Variants in RBFOX3 observed in about 807,000 individuals in gnomAD.
RBFOX3 encodes the protein RNA binding protein fox-1 homolog 3.
In RBFOX3, 17 loss-of-function variants were observed where a neutral mutation model predicts 48.7. The ratio of observed to expected loss-of-function variants is 0.35; its 90% confidence interval spans 0.24 to 0.52. RBFOX3 has a LOEUF of 0.52. RBFOX3 is among the 20% of genes least tolerant of loss of function. RBFOX3 has a pLI of 0.94. For synonymous variants in RBFOX3, 212 were observed against 209.5 expected, an observed-to-expected ratio of 1.01 and a Z score of -0.10; for missense variants, 382 against 497.5, an observed-to-expected ratio of 0.77 and a Z score of 2.21.
chr17:79,155,968 C>T (rs965670636), intron 4 of RBFOX3, among the ~76,000 whole-genome samples: 3 of 152,212 alleles, frequency 2.0e-5, no homozygotes, highest in African/African-American at 7.2e-5. Context: ...AGCAGCAGGG[C>T]CTCTCGGGGA....
the RBFOX3 span, among the ~76,000 whole-genome samples, chr17:79,633,921 G>T: frequency 6.6e-6 from 1 of 152,124 alleles, no homozygotes; most frequent in Non-Finnish European, 1.5e-5. Context: ...TGTTCAAACA[G>T]ATTATCATGC....
chr17:79,101,503 C>T, intron 9 of RBFOX3, 81 bp downstream of exon 9: 2 of 1,273,364 alleles, frequency 1.6e-6, no homozygotes, highest in African/African-American at 1.5e-5. Flanking sequence ...GGAAGGTCAG[C>T]CTGCAGCAGC....
intron 4 of RBFOX3, among the ~76,000 whole-genome samples, chr17:79,169,313 G>A (rs1344044897): frequency 1.3e-5 from 2 of 152,146 alleles, no homozygotes; most frequent in Non-Finnish European, 2.9e-5. Flanking sequence ...CTCAGATGCT[G>A]GGGTAGCGGT....
chr17:79,518,775 C>A (rs2085629784), intron 1 of RBFOX3, among the ~76,000 whole-genome samples: 1 of 152,236 alleles, frequency 6.6e-6, no homozygotes, highest in African/African-American at 2.4e-5. Context: ...AGCAAACCCA[C>A]AGGAAGGCAT....
At chr17:79,389,426 C>A (rs1322879652) in intron 2 of RBFOX3, among the ~76,000 whole-genome samples, 1 of 152,216 alleles carries the variant, frequency 6.6e-6, no homozygotes, top group Non-Finnish European at 1.5e-5. Flanking sequence ...CTGGTTCGTA[C>A]TTTTCAGGAA....
At chr17:79,327,777 C>G (rs2079557253) in intron 2 of RBFOX3, among the ~76,000 whole-genome samples, 1 of 152,152 alleles carries the variant, frequency 6.6e-6, no homozygotes, top group African/African-American at 2.4e-5. Flanking sequence ...CTCACTGCAA[C>G]CTCCGCCTCC....
At chr17:79,590,653 T>C (rs1245881162) in intron 1 of RBFOX3, among the ~76,000 whole-genome samples, 3 of 152,122 alleles carry the variant, frequency 2.0e-5, no homozygotes, top group Non-Finnish European at 4.4e-5. Context: ...AAATCCAGGA[T>C]ACCAATGAAG....
intron 4 of RBFOX3, among the ~76,000 whole-genome samples, chr17:79,228,533 T>G (rs931680078): frequency 6.6e-6 from 1 of 152,194 alleles, no homozygotes; most frequent in Non-Finnish European, 1.5e-5. Flanking sequence ...GCTTCTTTCA[T>G]GGGTAGCACA....
chr17:79,257,722 A>G (rs2065112361), intron 3 of RBFOX3, among the ~76,000 whole-genome samples: 1 of 152,158 alleles, frequency 6.6e-6, no homozygotes, highest in Admixed American at 6.5e-5. Flanking sequence ...CTGGGACTAC[A>G]GGCACATGGC....
At chr17:79,406,290 T>G (rs1377218502) in intron 2 of RBFOX3, among the ~76,000 whole-genome samples, 3 of 152,208 alleles carry the variant, frequency 2.0e-5, no homozygotes, top group Non-Finnish European at 2.9e-5. Flanking sequence ...ACCCTAGGGA[T>G]GGGGTCGGCT....
intron 2 of RBFOX3, among the ~76,000 whole-genome samples, chr17:79,416,559 G>A (rs1001436452): frequency 3.3e-5 from 5 of 152,252 alleles, no homozygotes; most frequent in Non-Finnish European, 7.3e-5. Flanking sequence ...CAGAGAGAGC[G>A]AAGACACTTG....
intron 1 of RBFOX3, among the ~76,000 whole-genome samples, chr17:79,513,415 A>G (rs1041127131): frequency 6.6e-6 from 1 of 152,204 alleles, no homozygotes; most frequent in Non-Finnish European, 1.5e-5. Flanking sequence ...GCCAAGTGGT[A>G]CACATCTGAA....
intron 3 of RBFOX3, among the ~76,000 whole-genome samples, chr17:79,292,494 G>A (rs998179138): frequency 1.3e-5 from 2 of 151,870 alleles, no homozygotes; most frequent in Admixed American, 6.6e-5. Context: ...AATGAATACT[G>A]GTTGAAAAAA....
At chr17:79,519,043 C>T (rs1258648677) in intron 1 of RBFOX3, among the ~76,000 whole-genome samples, 7 of 152,284 alleles carry the variant, frequency 4.6e-5, no homozygotes, top group East Asian at 3.9e-4. Flanking sequence ...AAGAGAAGCC[C>T]GGGGCTGGCA....
intron 2 of RBFOX3, among the ~76,000 whole-genome samples, chr17:79,444,005 T>C (rs1175036371): frequency 2.0e-5 from 3 of 152,152 alleles, no homozygotes; most frequent in Admixed American, 6.5e-5. Flanking sequence ...AGGAGGAAAC[T>C]GAGGCAGGAA....
chr17:79,539,529 G>C (rs2089363252), intron 1 of RBFOX3, among the ~76,000 whole-genome samples: 1 of 152,144 alleles, frequency 6.6e-6, no homozygotes, highest in African/African-American at 2.4e-5. Context: ...GTTTTCTCCA[G>C]GAAAGCTACG....
intron 14 of RBFOX3, 59 bp from the exon 15 acceptor site, chr17:79,090,944 G>A (rs2073764069): frequency 6.6e-7 from 1 of 1,517,294 alleles, no homozygotes. Context: ...CAGCAGGTGT[G>A]AAGGCGACAG....
intron 1 of RBFOX3, among the ~76,000 whole-genome samples, chr17:79,587,335 C>T (rs1465179460): frequency 1.3e-5 from 2 of 152,208 alleles, no homozygotes; most frequent in South Asian, 4.1e-4. Context: ...GGAGAGGCTC[C>T]ATGGAGCCAA....
In RBFOX3 at chr17:79,391,920, CT is replaced by C. The variant is rs1182283005; in HGVS notation, c.-174-84097del. ...GGTCCCCTCCTTCCCGGTTCTGAAG[CT>C]CACAGGTCGCGGGTTTGCTGAGAAG... On this transcript the variant is annotated intron_variant, in intron 2 of 14. Coordinates refer to ENST00000693108, the MANE Select transcript of RBFOX3 (RefSeq NM_001350451.2). The surrounding 1 kb of genome is among the most constrained non-coding windows in gnomAD (Gnocchi z 5.0). 6.6e-5 allele frequency among the ~76,000 whole-genome samples: 10 copies of C among 152,136 alleles called. No homozygotes were observed. The highest frequency in any genetic ancestry group is 2.4e-4 in the African/African-American group (10 of 41,446).
Sources: gnomAD v4.1 joint callset for allele counts (sites outside exome capture counted in the v4.1 genomes callset) on GRCh38, gnomAD v4.1.1 for gene constraint, Gnocchi (gnomAD v3.1) non-coding constraint, MANE v1.5 for transcripts, NCBI Gene and HGNC (gene_info 2026-07-23, HGNC 2026-07-21) for gene names.